Variants in EZH1 observed in about 807,000 individuals in gnomAD.
The protein encoded by EZH1 is histone-lysine N-methyltransferase EZH1.
A neutral mutation model predicts 100.5 loss-of-function variants in EZH1; 33 were observed. The ratio of observed to expected loss-of-function variants is 0.33; its 90% CI spans 0.25 to 0.44. The LOEUF (loss-of-function observed/expected upper bound fraction) is 0.44, where lower values mean the gene tolerates loss of function less well. EZH1 is among the 20% of genes least tolerant of loss of function. The pLI is 1.00. For synonymous variants in EZH1, 272 were observed against 313.8 expected, an observed-to-expected ratio of 0.87 and a Z score of 1.41; for missense variants, 475 against 928.4, an observed-to-expected ratio of 0.51 and a Z score of 6.35.
chr17:42,735,381 G>A (rs1006114190), intron 1 of EZH1, among the ~76,000 whole-genome samples: 44 of 151,360 alleles, frequency 2.9e-4, no homozygotes, highest in African/African-American at 9.7e-4. Context: ...AAAAAAAAAA[G>A]GGAACAAATA....
intron 10 of EZH1, chr17:42,714,374 T>C: frequency 3.3e-6 from 1 of 300,682 alleles, no homozygotes; most frequent in East Asian, 7.7e-5. Context: ...CCTGAGCCCC[T>C]GGTAATAGAA....
intron 2 of EZH1, 50 bp from the exon 3 acceptor site, chr17:42,729,002 C>A: frequency 2.8e-6 from 4 of 1,442,356 alleles, no homozygotes; most frequent in African/African-American, 2.9e-5. Flanking sequence ...GGAAATAAAG[C>A]ATTCCTCAAA....
At chr17:42,704,556 A>G in intron 18 of EZH1, 46 bp downstream of exon 18, 2 of 517,842 alleles carry the variant, frequency 3.9e-6, no homozygotes, top group East Asian at 6.9e-5. Context: ...TCAAAAAAAG[A>G]AAAAAAAAAA....
chr17:42,713,050 A>AG (rs2053519717), intron 11 of EZH1, among the ~76,000 whole-genome samples, 159 bp downstream of exon 11: 1 of 151,426 alleles, frequency 6.6e-6, no homozygotes, highest in African/African-American at 2.4e-5. Context: ...AAAAAAAAAA[A>AG]AAAAAAAAGA....
intron 10 of EZH1, among the ~76,000 whole-genome samples, chr17:42,714,983 ATATT>A (rs1040354522): frequency 8.6e-5 from 12 of 138,796 alleles, no homozygotes; most frequent in East Asian, 4.0e-4. Flanking sequence ...TTATATAAAT[ATATT>A]TATATATAAT....
chr17:42,712,868 T>A (rs557958783), intron 11 of EZH1, among the ~76,000 whole-genome samples: 1 of 152,024 alleles, frequency 6.6e-6, no homozygotes, highest in East Asian at 1.9e-4. Context: ...CGAAACCCCG[T>A]CTCTACTAAA....
At chr17:42,705,463 C>T (rs1451329039) in intron 16 of EZH1, 2 of 291,456 alleles carry the variant, frequency 6.9e-6, no homozygotes, top group East Asian at 1.7e-4. Context: ...TAAACATAGA[C>T]ATCACCAAAG....
At chr17:42,729,946 G>T (rs2053907155) in intron 2 of EZH1, among the ~76,000 whole-genome samples, 1 of 151,806 alleles carries the variant, frequency 6.6e-6, no homozygotes, top group South Asian at 2.1e-4. Context: ...GCTGAGGCAG[G>T]AGAATGGCTT....
In EZH1 at chr17:42,718,318, G is replaced by T; in HGVS notation, c.931+136C>A. 3 of 1,215,354 alleles carry T rather than the reference G, an allele frequency of 2.5e-6. No individual in the cohort carries two copies. The highest frequency in any genetic ancestry group is 2.6e-5 in the Admixed American group (1 of 38,564). The allele number at this position is 1,215,354 out of a possible 1,614,324, so 75.3% of individuals were successfully genotyped here. Reference sequence around the variant, plus strand: ...CATGTTGCACTATAATTGAGCAAGGGAAAATAGAACTGGCCCTTTGTAAAA... The same window carrying T: ...CATGTTGCACTATAATTGAGCAAGGTAAAATAGAACTGGCCCTTTGTAAAA... On this transcript the variant is annotated intron_variant, in intron 9 of 20. Coordinates refer to ENST00000428826, the MANE Select transcript of EZH1 (RefSeq NM_001991.5). The surrounding 1 kb of genome is among the most constrained non-coding windows in gnomAD (Gnocchi z 4.2).
chr17:42,721,243 G>GTGCC (rs1234035184), intron 6 of EZH1, among the ~76,000 whole-genome samples: 1 of 152,164 alleles, frequency 6.6e-6, no homozygotes, highest in Non-Finnish European at 1.5e-5. Flanking sequence ...CATCACAACA[G>GTGCC]TGCCCACAAT....
At chr17:42,731,989 T>A (rs891479227) in intron 1 of EZH1, 5 of 152,078 alleles carry the variant, frequency 3.3e-5, no homozygotes, top group African/African-American at 7.2e-5. Context: ...CCCTATTTTT[T>A]AAAATTTCCT....
chr17:42,723,716 TAA>T (rs2053763127), intron 5 of EZH1, among the ~76,000 whole-genome samples: 1 of 152,234 alleles, frequency 6.6e-6, no homozygotes, highest in Non-Finnish European at 1.5e-5. Context: ...AGTTTTATTC[TAA>T]GAGATGATTC....
In EZH1 at chr17:42,702,002, C is replaced by T. The variant is rs1163742004; in HGVS notation, c.*530G>A. ...GGAGGTAGTAAGGTGACCTGTCTAC[C>T]TCTGAGTTCAGTCTGTGCTGCCTGC... On this transcript the variant is annotated 3_prime_UTR_variant, in exon 21 of 21. Transcript: ENST00000428826. 1 of 152,908 alleles carries T rather than the reference C, an allele frequency of 6.5e-6. No individual in the cohort carries two copies. Among genetic ancestry groups the T allele is most frequent in the Non-Finnish European group, 1.5e-5 (1 of 68,414 alleles). 9.5% of individuals were successfully genotyped at this position (152,908 alleles called of 1,614,324 possible).
Position 42,727,142 on chromosome 17 carries a change from G to C in EZH1, c.246+493C>G, listed in dbSNP as rs1464860889. On this transcript the variant is annotated intron_variant, in intron 4 of 20. Transcript: ENST00000428826. Reference sequence around the variant, plus strand: ...TGAGATTACAGGTGTGAGCCACTGCGTCCAGCCCCCGTAATTATTCTTGAA... The same window carrying C: ...TGAGATTACAGGTGTGAGCCACTGCCTCCAGCCCCCGTAATTATTCTTGAA... 5.9e-5 allele frequency among the ~76,000 whole-genome samples: 9 copies of C among 151,978 alleles called. No individual in the cohort carries two copies. In the South Asian group the frequency reaches 1.0e-3, roughly 18 times the overall value.
At chr17:42,714,365 C>A (rs112605507) in intron 10 of EZH1, 1 of 295,128 alleles carries the variant, frequency 3.4e-6, no homozygotes, top group East Asian at 7.8e-5. Flanking sequence ...CTAGGCTGTC[C>A]TGAGCCCCTG....
chr17:42,719,499 G>T (rs2053665949), intron 7 of EZH1, among the ~76,000 whole-genome samples: 1 of 152,216 alleles, frequency 6.6e-6, no homozygotes, highest in African/African-American at 2.4e-5. Flanking sequence ...TACTTTGAGA[G>T]GCCGAGGGGA....
intron 14 of EZH1, 190 bp from the exon 15 acceptor site, chr17:42,708,273 G>T: frequency 1.7e-6 from 1 of 586,984 alleles, no homozygotes; most frequent in African/African-American, 1.9e-5. Context: ...TCTGCTTTGT[G>T]GGGAGGGTGT....
intron 10 of EZH1, among the ~76,000 whole-genome samples, chr17:42,713,956 A>G (rs2053541185): frequency 6.6e-6 from 1 of 152,220 alleles, no homozygotes; most frequent in Non-Finnish European, 1.5e-5. Flanking sequence ...AGAGGGGTAT[A>G]GGAATCAGGG....
Position 42,724,260 on chromosome 17 carries a change from C to A in EZH1, c.366+45G>T, listed in dbSNP as rs201858422. ...GGAGCTCTGGCATATCAACATAACA[C>A]AATCATACAGTTTAAATAACCACCA... On this transcript the variant is annotated intron_variant, in intron 5 of 20. Transcript: ENST00000428826. The A allele has an allele frequency of 1.5e-3, 2,347 of 1,608,322 alleles. 3 individuals carry two copies. Among genetic ancestry groups the A allele is most frequent in the Non-Finnish European group, 1.8e-3 (2,175 of 1,176,366 alleles).
Sources: allele counts gnomAD v4.1 joint callset (sites outside exome capture counted in the v4.1 genomes callset), GRCh38; gene constraint gnomAD v4.1.1; non-coding constraint Gnocchi (gnomAD v3.1); transcripts MANE v1.5; gene names NCBI Gene and HGNC (gene_info 2026-07-23, HGNC 2026-07-21).